Variants in PCDH11X observed in about 807,000 individuals in gnomAD.
PCDH11X encodes protocadherin-11 X-linked.
PCDH11X carries 18 observed loss-of-function variants against 53.3 expected under a neutral mutation model. That is an observed-to-expected ratio of 0.34 (90% CI 0.23 to 0.50). PCDH11X has a LOEUF of 0.50. Ranked by LOEUF, PCDH11X falls within the 20% of genes least tolerant of loss-of-function variation. PCDH11X has a pLI of 0.98. For missense variants in PCDH11X, 570 were observed against 1,032.4 expected (o/e 0.55, Z 6.14); for synonymous variants, 279 against 393.3 (o/e 0.71, Z 3.44).
intron 7 of PCDH11X, among the ~76,000 whole-genome samples, chrX:92,204,005 A>C (rs2148326451): frequency 8.9e-6 from 1 of 112,137 alleles, no homozygotes; most frequent in Admixed American, 9.5e-5. Context: ...CCTGTGCTAT[A>C]TTTTGGGTCC....
At chrX:92,388,579 G>A (rs886565893) in intron 9 of PCDH11X, among the ~76,000 whole-genome samples, 3 of 108,569 alleles carry the variant, frequency 2.8e-5, no homozygotes, top group Admixed American at 1.0e-4. Context: ...TATCTTGAAC[G>A]TGTAGCGAAC....
chrX:92,535,360 T>C (rs1474624734), intron 10 of PCDH11X, among the ~76,000 whole-genome samples: 1 of 111,636 alleles, frequency 9.0e-6, no homozygotes, highest in African/African-American at 3.3e-5. Context: ...AATGAGGTCA[T>C]GTCCTTTGGA....
intron 8 of PCDH11X, among the ~76,000 whole-genome samples, chrX:92,366,483 C>T (rs2070476660): frequency 9.2e-6 from 1 of 108,908 alleles, no homozygotes; most frequent in Non-Finnish European, 1.9e-5. Flanking sequence ...TTTTGTGTCT[C>T]TATCTCCTTC....
chrX:92,221,521 A>C (rs1043883319), intron 7 of PCDH11X, among the ~76,000 whole-genome samples: 3 of 110,650 alleles, frequency 2.7e-5, no homozygotes, highest in African/African-American at 9.9e-5. Flanking sequence ...GGAAACAAAA[A>C]TTCTGTTGAT....
At chrX:92,478,145 C>T (rs946375230) in intron 10 of PCDH11X, among the ~76,000 whole-genome samples, 1 of 111,355 alleles carries the variant, frequency 9.0e-6, no homozygotes, top group African/African-American at 3.3e-5. Flanking sequence ...AAGGTACTTG[C>T]TTCCCCTTTG....
intron 8 of PCDH11X, among the ~76,000 whole-genome samples, chrX:92,294,473 C>T (rs1229762229): frequency 8.9e-6 from 1 of 112,368 alleles, no homozygotes; most frequent in Non-Finnish European, 1.9e-5. Flanking sequence ...AACATTAGAG[C>T]ATTTTATCCT....
chrX:92,170,581 T>G (rs1455117307), intron 6 of PCDH11X, among the ~76,000 whole-genome samples: 1 of 109,638 alleles, frequency 9.1e-6, no homozygotes, highest in African/African-American at 3.3e-5. Context: ...ACTCAAAAAC[T>G]TAATTTCTAT....
intron 6 of PCDH11X, among the ~76,000 whole-genome samples, chrX:92,026,226 T>C (rs2062967558): frequency 1.8e-5 from 2 of 110,654 alleles, no homozygotes; most frequent in African/African-American, 6.6e-5. Context: ...AGAAGGACAA[T>C]GTTTTGTGAT....
At chrX:91,885,766 G>A (rs1400098558) in intron 6 of PCDH11X, among the ~76,000 whole-genome samples, 1 of 111,322 alleles carries the variant, frequency 9.0e-6, no homozygotes, top group Non-Finnish European at 1.9e-5. Context: ...ATTCCTCAAT[G>A]GTTTTATGAG....
At chrX:92,207,425 A>G (rs777763669) in intron 7 of PCDH11X, among the ~76,000 whole-genome samples, 22 of 111,626 alleles carry the variant, frequency 2.0e-4, no homozygotes, top group Middle Eastern at 4.6e-3. Context: ...AGCAAGCCTA[A>G]AACTGAATGA....
intron 6 of PCDH11X, among the ~76,000 whole-genome samples, chrX:92,059,667 T>C (rs1405462692): frequency 1.8e-5 from 2 of 111,049 alleles, no homozygotes. Flanking sequence ...AAATATCACA[T>C]TTGGAAAATA....
chrX:92,109,953 T>A (rs2064465488), intron 6 of PCDH11X, among the ~76,000 whole-genome samples: 1 of 112,431 alleles, frequency 8.9e-6, no homozygotes, highest in Non-Finnish European at 1.9e-5. Flanking sequence ...GGAAGTTATT[T>A]TTTGAAGATA....
chrX:92,329,967 A>G (rs759022997), intron 8 of PCDH11X, among the ~76,000 whole-genome samples: 1 of 111,151 alleles, frequency 9.0e-6, no homozygotes, highest in Admixed American at 9.6e-5. Context: ...TTTACAAATA[A>G]CTAAAAGAGT....
chrX:92,017,350 A>G lies in PCDH11X; in HGVS notation c.3033+138077A>G, dbSNP rs1454595541. On this transcript the variant is annotated intron_variant, in intron 6 of 10. Transcript: ENST00000682573. ...CCATAAATACATACACCTACTATGT[A>G]CCCACAAAAATTAAAAATTATGAAA... Among the ~76,000 whole-genome samples the G allele has an allele frequency of 9.0e-5, 10 of 110,565 alleles. No homozygotes were observed. In the Admixed American group the frequency reaches 9.8e-4, roughly 11 times the overall value.
intron 10 of PCDH11X, among the ~76,000 whole-genome samples, chrX:92,492,469 T>C (rs1406671544): frequency 8.9e-6 from 1 of 112,486 alleles, no homozygotes; most frequent in Non-Finnish European, 1.9e-5. Flanking sequence ...TCTATGCACA[T>C]TTTTTATGTC....
intron 6 of PCDH11X, among the ~76,000 whole-genome samples, chrX:91,962,348 A>G (rs189161123): frequency 1.1e-3 from 121 of 112,827 alleles, no homozygotes; most frequent in Non-Finnish European, 1.7e-3. Context: ...AAGGGGCTAC[A>G]GGCCCCATGC....
rs778796032 is a variant in PCDH11X, at chrX:92,370,679, C to T, written c.3145-17056C>T. On this transcript the variant is annotated intron_variant, in intron 8 of 10. Transcript: ENST00000682573. ...TTCACTATGTTGGTCAGGCTGGTCT[C>T]GAACTCTTGACCTCGTGATCCGCCC... is the stretch of plus-strand genomic sequence containing the variant. Among the ~76,000 whole-genome samples, 132 of 110,313 alleles carry T rather than the reference C, an allele frequency of 1.2e-3. 1 individual carries two copies. Among genetic ancestry groups the T allele is most frequent in the South Asian group, 1.0e-2 (26 of 2,603 alleles).
chrX:91,911,907 G>A (rs1034055948), intron 6 of PCDH11X, among the ~76,000 whole-genome samples: 3 of 110,825 alleles, frequency 2.7e-5, no homozygotes, highest in Non-Finnish European at 3.8e-5. Flanking sequence ...TGATTCTTCA[G>A]TCCATGAACA....
At chrX:92,419,764 C>G (rs1464240775) in intron 9 of PCDH11X, among the ~76,000 whole-genome samples, 5 of 90,282 alleles carry the variant, frequency 5.5e-5, no homozygotes, top group Non-Finnish European at 1.0e-4. Context: ...ACTGCAACCT[C>G]TGCCTCCCAG....
Sources: gnomAD v4.1 joint callset for allele counts (sites outside exome capture counted in the v4.1 genomes callset) on GRCh38, gnomAD v4.1.1 for gene constraint, MANE v1.5 for transcripts, NCBI Gene and HGNC (gene_info 2026-07-23, HGNC 2026-07-21) for gene names.